Variants in SHANK2 observed in about 807,000 individuals in gnomAD.
SHANK2 encodes the protein SH3 and multiple ankyrin repeat domains protein 2.
SHANK2 carries 43 observed loss-of-function variants against 133.7 expected under a neutral mutation model. The observed-to-expected ratio is 0.32, with a 90% CI of 0.25 to 0.41. SHANK2 has a LOEUF of 0.41. Among genes scored for constraint, SHANK2 ranks in the 10% least tolerant of loss-of-function variants. The pLI is 1.00. For synonymous variants in SHANK2, 1,017 were observed against 952.8 expected (o/e 1.07, Z -1.24); for missense variants, 1,994 against 2,235.8 (o/e 0.89, Z 2.18).
intron 14 of SHANK2, among the ~76,000 whole-genome samples, chr11:70,762,359 G>A (rs1168485068): frequency 2.6e-5 from 4 of 152,158 alleles, no homozygotes; most frequent in Admixed American, 6.5e-5. Context: ...TCAGGCTGTC[G>A]GTTAGTGGCA....
intron 6 of SHANK2, among the ~76,000 whole-genome samples, chr11:71,100,402 T>A (rs571286678): frequency 1.3e-5 from 2 of 152,364 alleles, no homozygotes; most frequent in African/African-American, 4.8e-5. Context: ...CATTATCCAT[T>A]GCACATGCAG....
At chr11:71,252,639 C>A (rs1031309813), upstream of SHANK2, 1 of 151,246 alleles carries the variant, frequency 6.6e-6, no homozygotes, top group Admixed American at 6.6e-5. This position sits in a 1 kb window ranked among gnomAD's most constrained non-coding sequence, Gnocchi z 6.3. Flanking sequence ...GCCCTCTCGC[C>A]GCCGAAAGGA....
intron 2 of SHANK2, among the ~76,000 whole-genome samples, chr11:71,158,340 C>T (rs566428409): frequency 6.6e-6 from 1 of 151,862 alleles, no homozygotes; most frequent in Non-Finnish European, 1.5e-5. Flanking sequence ...GAAAAACATT[C>T]AAAAAACACT....
At chr11:70,582,640 C>G (rs1228012795) in intron 17 of SHANK2, among the ~76,000 whole-genome samples, 1 of 152,178 alleles carries the variant, frequency 6.6e-6, no homozygotes, top group African/African-American at 2.4e-5. Context: ...GGCACCCAGT[C>G]GGGTGTGGGG....
intron 14 of SHANK2, among the ~76,000 whole-genome samples, chr11:70,740,048 CCG>C (rs1946487866): frequency 2.0e-5 from 3 of 151,934 alleles, no homozygotes; most frequent in African/African-American, 7.3e-5. Context: ...GTTAATGGCT[CCG>C]TCCACAGCAC....
intron 3 of SHANK2, 28 bp from the exon 4 acceptor site, chr11:71,119,060 G>A: frequency 1.3e-6 from 2 of 1,546,940 alleles, no homozygotes; most frequent in South Asian, 1.2e-5. Context: ...GACAGCTGAT[G>A]AGTGACAGAG....
At chr11:70,918,027 T>G (rs1195288834) in intron 10 of SHANK2, among the ~76,000 whole-genome samples, 25 of 150,704 alleles carry the variant, frequency 1.7e-4, no homozygotes, top group South Asian at 4.2e-4. Flanking sequence ...GTTTTTTTTT[T>G]TTTTTTTTTT....
chr11:70,831,768 G>A (rs1948729363), intron 11 of SHANK2, among the ~76,000 whole-genome samples: 1 of 152,258 alleles, frequency 6.6e-6, no homozygotes, highest in Admixed American at 6.5e-5. Context: ...AGGTGCTCAC[G>A]GGTCTCAGAA....
At chr11:70,611,899 T>C (rs1342089633) in intron 17 of SHANK2, among the ~76,000 whole-genome samples, 1 of 128,510 alleles carries the variant, frequency 7.8e-6, no homozygotes, top group African/African-American at 2.9e-5. Flanking sequence ...AGTGTGAAAC[T>C]GGGCTGCTGC....
chr11:70,762,459 T>C (rs1947015784), intron 14 of SHANK2, among the ~76,000 whole-genome samples: 1 of 152,114 alleles, frequency 6.6e-6, no homozygotes, highest in South Asian at 2.1e-4. Context: ...ATTCTGGAGT[T>C]GGTGGGCAGC....
intron 1 of SHANK2, among the ~76,000 whole-genome samples, chr11:71,250,579 A>T (rs1345509663): frequency 2.0e-5 from 3 of 152,158 alleles, no homozygotes; most frequent in Non-Finnish European, 4.4e-5. Flanking sequence ...CCACCCCCAC[A>T]GGCTCAACCC....
rs953642573 is a variant in SHANK2, at chr11:71,186,850, G to A, written c.-13+37847C>T. Reference sequence around the variant, plus strand: ...GGAAGGTGATCAATGCCACTACCTCGGCCCTCGGCATTCAGCCCAGCCTCA... The same window carrying A: ...GGAAGGTGATCAATGCCACTACCTCAGCCCTCGGCATTCAGCCCAGCCTCA... On this transcript the variant is annotated intron_variant, in intron 2 of 25. Transcript: ENST00000601538. 1.3e-4 allele frequency among the ~76,000 whole-genome samples: 20 copies of A among 152,280 alleles called. 1 individual carries two copies. The highest frequency in any genetic ancestry group is 6.8e-3 in the Middle Eastern group (2 of 294).
At chr11:70,655,902 C>T (rs924470061) in intron 17 of SHANK2, among the ~76,000 whole-genome samples, 1 of 152,164 alleles carries the variant, frequency 6.6e-6, no homozygotes, top group Non-Finnish European at 1.5e-5. Flanking sequence ...CCAGCTCTCG[C>T]CTCATGATTC....
intron 3 of SHANK2, among the ~76,000 whole-genome samples, chr11:71,131,006 T>C (rs73523003): frequency 0.02 from 3,007 of 152,382 alleles, 96 homozygotes; most frequent in African/African-American, 0.068. Flanking sequence ...CATCAAGTTC[T>C]GCATGATGCA....
intron 14 of SHANK2, among the ~76,000 whole-genome samples, chr11:70,707,369 T>A: frequency 1.3e-5 from 1 of 75,274 alleles, no homozygotes; most frequent in East Asian, 4.1e-4. Flanking sequence ...GAAAACTCCA[T>A]CTCAAAAAAA....
chr11:70,797,967 C>G (rs1947954224), intron 14 of SHANK2, among the ~76,000 whole-genome samples: 1 of 152,054 alleles, frequency 6.6e-6, no homozygotes, highest in Non-Finnish European at 1.5e-5. Context: ...AGTGCTATAT[C>G]TGGAGGTTCT....
At chr11:70,850,369 T>C (rs1407456248) in intron 11 of SHANK2, among the ~76,000 whole-genome samples, 4 of 151,982 alleles carry the variant, frequency 2.6e-5, no homozygotes, top group African/African-American at 9.7e-5. Flanking sequence ...GAAGCAGTGG[T>C]TTTTGATGCA....
At chr11:70,615,778 G>A (rs1328225975) in intron 17 of SHANK2, among the ~76,000 whole-genome samples, 1 of 152,188 alleles carries the variant, frequency 6.6e-6, no homozygotes, top group Non-Finnish European at 1.5e-5. Context: ...CCAATCCTGG[G>A]GTTTGGTGGT....
intron 3 of SHANK2, among the ~76,000 whole-genome samples, chr11:71,141,098 C>T (rs1330539190): frequency 3.6e-4 from 55 of 152,194 alleles, no homozygotes; most frequent in African/African-American, 1.3e-3. Context: ...CAGTGGGGCT[C>T]CCGGGGCTGG....
Sources: allele counts gnomAD v4.1 joint callset (sites outside exome capture counted in the v4.1 genomes callset), GRCh38; gene constraint gnomAD v4.1.1; non-coding constraint Gnocchi (gnomAD v3.1); transcripts MANE v1.5; gene names NCBI Gene and HGNC (gene_info 2026-07-23, HGNC 2026-07-21).